Variants in VWA5B2 observed in about 807,000 individuals in gnomAD.
VWA5B2 encodes von Willebrand factor A domain-containing protein 5B2.
A neutral mutation model predicts 118.5 loss-of-function variants in VWA5B2; 93 were observed. The observed-to-expected ratio is 0.79, with a 90% CI of 0.66 to 0.93. The LOEUF (loss-of-function observed/expected upper bound fraction) is 0.93, where lower values mean the gene tolerates loss of function less well. Among genes scored for constraint, VWA5B2 ranks in the 40% least tolerant of loss-of-function variants. The pLI is 0.00. For missense variants in VWA5B2, 1,546 were observed against 1,672.8 expected, an observed-to-expected ratio of 0.92 and a Z score of 1.32; for synonymous variants, 708 against 716.3, an observed-to-expected ratio of 0.99 and a Z score of 0.19.
chr3:184,239,866 G>A lies in VWA5B2; in HGVS notation c.2570G>A (p.Gly857Asp), dbSNP rs1297422891. The A allele has an allele frequency of 1.0e-5, 16 of 1,551,574 alleles. No individual in the cohort carries two copies. Among genetic ancestry groups the A allele is most frequent in the Non-Finnish European group, 1.1e-5 (13 of 1,146,992 alleles). ...GAGCAGCCCATGTGCTGGGAGGTGG[G>A]TGTTGGGCTGGAGACACTGTGGGGA... Reference protein sequence around the residue: ...CGEQPMCWEVGVGLETLWGPG... With the variant: ...CGEQPMCWEVDVGLETLWGPG... Residue 857 changes from glycine (G) to aspartate (D), a missense_variant, in exon 16 of 20, where the codon GGT becomes GAT. Gly to Asp is a moderately conservative substitution (Grantham distance 94). This residue lies in a region of VWA5B2 where 763 missense variants were observed against 766.6 expected (regional missense o/e 1.00). Coordinates refer to ENST00000691901, the MANE Select transcript of VWA5B2 (RefSeq NM_001390846.1). The surrounding 1 kb of genome is among the most constrained non-coding windows in gnomAD (Gnocchi z 5.1).
At chr3:184,234,901 G>T in intron 7 of VWA5B2, 146 bp downstream of exon 7, 2 of 1,287,486 alleles carry the variant, frequency 1.6e-6, no homozygotes, top group Non-Finnish European at 2.1e-6. Flanking sequence ...CCATCACAGA[G>T]GACAGATGAG....
chr3:184,235,265 G>C lies in VWA5B2; in HGVS notation c.1058G>C (p.Arg353Pro), dbSNP rs200944276. ...CCCGGACACCTGGGGACAGCTACTCGGGAGCTACTCTTCCTTTTGGATAGC... is the reference window on the plus strand; with the variant it reads ...CCCGGACACCTGGGGACAGCTACTCCGGAGCTACTCTTCCTTTTGGATAGC... Reference protein sequence around the residue: ...SKPGHLGTATRELLFLLDSSS... With the variant: ...SKPGHLGTATPELLFLLDSSS... The change falls in exon 8 of 20, where the codon CGG (arginine) becomes CCG (proline). Residue 353 changes from arginine (R) to proline (P), a missense_variant. By Grantham distance (103) the Arg-to-Pro change is moderately radical. Transcript: ENST00000691901. The C allele has an allele frequency of 4.5e-6, 7 of 1,551,564 alleles. No individual in the cohort carries two copies. Among genetic ancestry groups the C allele is most frequent in the Non-Finnish European group, 6.1e-6 (7 of 1,146,938 alleles).
chr3:184,234,783 C>T, intron 7 of VWA5B2, 28 bp downstream of exon 7: 1 of 1,550,766 alleles, frequency 6.4e-7, no homozygotes. Flanking sequence ...TGGCCTGGCC[C>T]CTGGCCTTGG....
Position 184,241,444 on chromosome 3 carries a change from G to C in VWA5B2, c.3180+40G>C, listed in dbSNP as rs374762753. On this transcript the variant is annotated intron_variant, in intron 19 of 19. Transcript: ENST00000691901. This position sits in a 1 kb window ranked among gnomAD's most constrained non-coding sequence, Gnocchi z 5.1. Reference sequence around the variant, plus strand: ...GGTGGAGGGTGGTGCCGCCGGGGCCGGGCGCTGTTTCAGCTCGCTTCTCCC... The same window carrying C: ...GGTGGAGGGTGGTGCCGCCGGGGCCCGGCGCTGTTTCAGCTCGCTTCTCCC... 660 of 1,565,734 alleles carry C rather than the reference G, an allele frequency of 4.2e-4. 4 individuals carry two copies. The East Asian group carries it at 0.015, about 35-fold the overall frequency.
Position 184,234,322 on chromosome 3 carries a change from G to T in VWA5B2, c.745G>T (p.Ala249Ser), listed in dbSNP as rs1043746656. Residue 249 changes from alanine (A) to serine (S), a missense_variant, in exon 6 of 20, where the codon GCA becomes TCA. Physicochemically the swap from Ala to Ser is moderately conservative, Grantham distance 99 (BLOSUM62 1). Transcript: ENST00000691901. ...AGATGCCCCCCCTCATGCCAGCTCT[G>T]CAGCCACCATCTGTGTCACACTGGC... ...RADAPPHASS[A>S]ATICVTLAEG... The T allele has an allele frequency of 1.5e-5, 24 of 1,551,618 alleles. No homozygotes were observed. The highest frequency in any genetic ancestry group is 2.0e-5 in the Non-Finnish European group (23 of 1,147,012).
chr3:184,240,748 G>C (rs765952673), intron 16 of VWA5B2, 43 bp from the exon 17 acceptor site: 17 of 1,545,702 alleles, frequency 1.1e-5, no homozygotes. Context: ...CTCTGTAGAG[G>C]GTGGGTGGTG....
Position 184,236,687 on chromosome 3 carries a change from T to G in VWA5B2, c.1471T>G (p.Leu491Val). Residue 491 changes from leucine to valine, a missense_variant, in exon 11 of 20, where the codon TTA becomes GTA. By Grantham distance (32) the Leu-to-Val change is conservative. Transcript: ENST00000691901. ...CACCTGCCACCAGCTGCTCCAGGGT[T>G]TATCTGCCCTCAGCAGAGGCCAGGC... The part of the protein sequence containing the change: ...GPTCHQLLQG[L>V]SALSRGQAYF... 6.4e-7 allele frequency: 1 copy of G among 1,551,334 alleles called. No homozygotes were observed. The highest frequency in any genetic ancestry group is 8.7e-7 in the Non-Finnish European group (1 of 1,146,720).
In VWA5B2 at chr3:184,234,619, CTCT is replaced by C; in HGVS notation, c.821-11_821-9del. ...GGGCCTTCCTTGACAGAATTGTGTC[CTCT>C]CCTCTCAGAGCCCCATCAGCCACAC... On this transcript the variant is annotated splice_polypyrimidine_tract_variant and intron_variant, in intron 6 of 19. Transcript: ENST00000691901. 1 of 1,550,736 alleles carries C rather than the reference CTCT, an allele frequency of 6.4e-7. No homozygotes were observed. Among genetic ancestry groups the C allele is most frequent in the Non-Finnish European group, 8.7e-7 (1 of 1,146,712 alleles).
chr3:184,236,386 T>G lies in VWA5B2; in HGVS notation c.1256T>G (p.Val419Gly). 1 of 1,546,514 alleles carries G rather than the reference T, an allele frequency of 6.5e-7. No homozygotes were observed. The highest frequency in any genetic ancestry group is 8.7e-7 in the Non-Finnish European group (1 of 1,144,020). ...TGCGAGAGCATTGAGACCCTGCAGGTTCCGAGTGGGCCCCCAGACGTGCTG... is the reference window on the plus strand; with the variant it reads ...TGCGAGAGCATTGAGACCCTGCAGGGTCCGAGTGGGCCCCCAGACGTGCTG... ...LICESIETLQ[V>G]PSGPPDVLAA... Residue 419 changes from valine to glycine, a missense_variant, in exon 10 of 20, where the codon GTT (valine) becomes GGT (glycine). By Grantham distance (109) the Val-to-Gly change is moderately radical. Transcript: ENST00000691901.
chr3:184,236,633 A>T lies in VWA5B2; in HGVS notation c.1422-5A>T, dbSNP rs1448175488. On this transcript the variant is annotated splice_region_variant and splice_polypyrimidine_tract_variant and intron_variant, in intron 10 of 19. Transcript: ENST00000691901. ...AGATCACAGCTGCTTCCTTTCCTTC[A>T]TCAGATGCTTCTCCTTTGGGCTGGG... 1 of 1,550,512 alleles carries T rather than the reference A, an allele frequency of 6.4e-7. No individual in the cohort carries two copies. The highest frequency in any genetic ancestry group is 1.4e-5 in the African/African-American group (1 of 73,010).
intron 16 of VWA5B2, 28 bp downstream of exon 16, chr3:184,240,064 C>A (rs1718418168): frequency 1.3e-6 from 2 of 1,482,504 alleles, no homozygotes; most frequent in African/African-American, 2.8e-5. Context: ...CCAGTCAGGA[C>A]CCAAAGGCAT....
intron 3 of VWA5B2, among the ~76,000 whole-genome samples, chr3:184,232,135 G>C (rs1717457780): frequency 6.6e-6 from 1 of 152,114 alleles, no homozygotes; most frequent in African/African-American, 2.4e-5. Context: ...TGTTATGGGG[G>C]ATGGAAGGGG....
chr3:184,236,021 C>G, intron 8 of VWA5B2, 131 bp from the exon 9 acceptor site: 1 of 814,524 alleles, frequency 1.2e-6, no homozygotes, highest in Non-Finnish European at 2.0e-6. Context: ...CCCTCACACC[C>G]AGGGCCTCTC....
In VWA5B2 at chr3:184,241,860, T is replaced by C. The variant is rs1167374133; in HGVS notation, c.3551T>C (p.Phe1184Ser). 1.3e-6 allele frequency: 2 copies of C among 1,543,846 alleles called. No individual in the cohort carries two copies. Among genetic ancestry groups the C allele is most frequent in the Non-Finnish European group, 1.7e-6 (2 of 1,145,444 alleles). The change falls in exon 20 of 20, where the codon TTC (phenylalanine) becomes TCC (serine). Residue 1184 changes from phenylalanine to serine, a missense_variant. Transcript: ENST00000691901. The surrounding 1 kb of genome is among the most constrained non-coding windows in gnomAD (Gnocchi z 5.1). ...AWLEHRCAAAFDEWELTAAKA... is the reference protein window; with the variant it reads ...AWLEHRCAAASDEWELTAAKA... ...CTGGAGCACCGATGCGCCGCTGCCT[T>C]CGACGAGTGGGAACTGACAGCGGCC... is the stretch of plus-strand genomic sequence containing the variant.
intron 7 of VWA5B2, 184 bp from the exon 8 acceptor site, chr3:184,234,969 C>G: frequency 9.4e-7 from 1 of 1,066,596 alleles, no homozygotes; most frequent in Non-Finnish European, 1.3e-6. Context: ...AGGATGGAGG[C>G]TAGGTCTGAT....
Position 184,240,815 on chromosome 3 carries a change from G to C in VWA5B2, c.2765G>C (p.Arg922Pro), listed in dbSNP as rs1292450440. 1.2e-5 allele frequency: 19 copies of C among 1,551,250 alleles called. No homozygotes were observed. Among genetic ancestry groups the C allele is most frequent in the Non-Finnish European group, 1.7e-5 (19 of 1,146,974 alleles). ...DRGHARRCWL[R>P]ALQTSKVSSA... ...GGCCATGCCCGGAGGTGCTGGCTTC[G>C]AGCCCTTCAGACAAGTAAGGTCAGC... Residue 922 changes from arginine (R) to proline (P), a missense_variant, in exon 17 of 20, where the codon CGA becomes CCA. Physicochemically the swap from Arg to Pro is moderately radical, Grantham distance 103 (BLOSUM62 -2). This residue lies in a region of VWA5B2 where 763 missense variants were observed against 766.6 expected (regional missense o/e 1.00). Transcript: ENST00000691901.
chr3:184,241,813 CA>C lies in VWA5B2; in HGVS notation c.3505del (p.Thr1169LeufsTer3), dbSNP rs745398755. The C allele has an allele frequency of 1.4e-4, 206 of 1,513,236 alleles. No individual in the cohort carries two copies. The highest frequency in any genetic ancestry group is 1.7e-4 in the Non-Finnish European group (197 of 1,131,962). The allele number at this position is 1,513,236 out of a possible 1,614,324, so 93.7% of individuals were successfully genotyped here. On this transcript the variant is annotated frameshift_variant, in exon 20 of 20. Transcript: ENST00000691901. LOFTEE classifies it high-confidence loss of function. The surrounding 1 kb of genome is among the most constrained non-coding windows in gnomAD (Gnocchi z 5.1). The part of the protein sequence containing the change: ...GTDLRGRTWA[T>X]AVALAWLEHR... ...CCGACCTGCGGGGCCGGACCTGGGC[CA>C]CTGCCGTAGCACTCGCCTGGCTGGA...
intron 5 of VWA5B2, 138 bp from the exon 6 acceptor site, chr3:184,234,128 C>T (rs942051108): frequency 2.6e-6 from 3 of 1,141,322 alleles, no homozygotes; most frequent in Non-Finnish European, 3.7e-6. Context: ...AAAGCAGGCA[C>T]ATCCTCCCTC....
Position 184,239,497 on chromosome 3 carries a change from G to T in VWA5B2, c.2306G>T (p.Arg769Leu). The T allele has an allele frequency of 1.3e-6, 2 of 1,549,862 alleles. No homozygotes were observed. The highest frequency in any genetic ancestry group is 8.7e-7 in the Non-Finnish European group (1 of 1,146,438). ...GGCCGGGCAAACCAAGTCCCCGGCC[G>T]ACCCCGGAAACCCTCTTTGGGTGCA... ...PPGRANQVPGRPRKPSLGAIL... is the reference protein window; with the variant it reads ...PPGRANQVPGLPRKPSLGAIL... The change falls in exon 15 of 20, where the codon CGA becomes CTA. Residue 769 changes from arginine to leucine, a missense_variant. Physicochemically the swap from Arg to Leu is moderately radical, Grantham distance 102 (BLOSUM62 -2). Around this residue, in one of 3 missense-constraint regions of VWA5B2, gnomAD observed 763 missense variants for 766.6 expected, o/e 1.00. Coordinates refer to ENST00000691901, the MANE Select transcript of VWA5B2 (RefSeq NM_001390846.1). This position sits in a 1 kb window ranked among gnomAD's most constrained non-coding sequence, Gnocchi z 5.1.
Sources: gnomAD v4.1 joint callset for allele counts (sites outside exome capture counted in the v4.1 genomes callset) on GRCh38, gnomAD v4.1.1 for gene constraint, gnomAD v4.1.1 regional missense constraint, Gnocchi (gnomAD v3.1) non-coding constraint, MANE v1.5 for transcripts, NCBI Gene and HGNC (gene_info 2026-07-23, HGNC 2026-07-21) for gene names.